Variants in C3orf62 observed in about 807,000 individuals in gnomAD.
C3orf62 encodes uncharacterized protein C3orf62.
In C3orf62, 16 loss-of-function variants were observed where a neutral mutation model predicts 21.7. That is an observed-to-expected ratio of 0.74 (90% CI 0.50 to 1.12). C3orf62 has a LOEUF of 1.12. C3orf62 is among the 50% of genes most tolerant of loss of function. C3orf62 has a pLI of 0.00. For missense variants in C3orf62, 310 were observed against 318.8 expected (o/e 0.97, Z 0.21); for synonymous variants, 114 against 117.0 (o/e 0.97, Z 0.17).
rs1462458953 is a variant in C3orf62 at position 49,276,577 on chromosome 3, G to A, written c.296C>T (p.Pro99Leu). Residue 99 changes from proline to leucine, a missense_variant, in exon 1 of 3, where the codon CCG becomes CTG. Physicochemically the swap from Pro to Leu is moderately conservative, Grantham distance 98. Transcript: ENST00000343010. ...CAGAGCATGTGGTTTTGCATTTACC[G>A]GGGCATGGTTTGTTGCAAAGGCAGG... ...ENPAFATNHA[P>L]VNAKPHALCP... The A allele has an allele frequency of 2.3e-5, 37 of 1,614,080 alleles. No homozygotes were observed. The highest frequency in any genetic ancestry group is 3.1e-5 in the Non-Finnish European group (37 of 1,180,052).
In C3orf62 at chr3:49,276,783, C is replaced by A; in HGVS notation, c.90G>T (p.Arg30=). ...GGGAATAACTAACTCCTTCAAAGGC[C>A]CGGTCAATGGCTGCAGTCAGTTCCT... ...CRKELTAAID[R]AFEGVSYSQE... The change falls in exon 1 of 3, where the codon CGG becomes CGT. Residue 30 remains arginine (R), a synonymous_variant. Transcript: ENST00000343010. The A allele has an allele frequency of 6.2e-7, 1 of 1,614,242 alleles. No individual in the cohort carries two copies. Among genetic ancestry groups the A allele is most frequent in the East Asian group, 2.2e-5 (1 of 44,886 alleles).
At chr3:49,276,341 T>A in intron 1 of C3orf62, 86 bp downstream of exon 1, 1 of 1,363,244 alleles carries the variant, frequency 7.3e-7, no homozygotes, top group South Asian at 1.4e-5. Flanking sequence ...AGCACTGTCA[T>A]GAACTAAATC....
In C3orf62 at chr3:49,276,660, T is replaced by C. The variant is rs758774110; in HGVS notation, c.213A>G (p.Ala71=). ...HRLLCRRHPL[A]ACSSAAPFAA... Reference sequence around the variant, plus strand: ...CAAAAGGAGCAGCAGAAGAGCAGGCTGCCAGAGGATGTCTTCTGCAGAGGA... The same window carrying C: ...CAAAAGGAGCAGCAGAAGAGCAGGCCGCCAGAGGATGTCTTCTGCAGAGGA... The change falls in exon 1 of 3, where the codon GCA becomes GCG. Residue 71 remains alanine, a synonymous_variant. Transcript: ENST00000343010. 6 of 1,614,100 alleles carry C rather than the reference T, an allele frequency of 3.7e-6. No individual in the cohort carries two copies. The African/African-American group carries it at 4.0e-5, about 11-fold the overall frequency.
At position 49,275,519 on chromosome 3, in the gene C3orf62, G is replaced by GTTTTTTTTTTTTT. The variant is rs59375945; in HGVS notation, c.446+895_446+907dup. On this transcript the variant is annotated intron_variant, in intron 1 of 2. Coordinates refer to ENST00000343010, the MANE Select transcript of C3orf62 (RefSeq NM_198562.3). The stretch of plus-strand genomic sequence containing the variant: ...GCAGCCAAGATGGCAGAACTTTGAA[G>GTTTTTTTTTTTTT]TTTTTTTTTTTTTTTTTTTTTTTTT... Among the ~76,000 whole-genome samples, 28 of 69,298 alleles carry GTTTTTTTTTTTTT rather than the reference G, an allele frequency of 4.0e-4. 4 individuals carry two copies. The highest frequency in any genetic ancestry group is 1.1e-3 in the East Asian group (2 of 1,770). The allele number at this position is 69,298 out of a possible 152,430, so 45.5% of individuals were successfully genotyped here. A position where few individuals can be genotyped will look rare whatever the true frequency, so the allele number is the denominator to read the frequency against.
At position 49,277,117 on chromosome 3, in the gene C3orf62, G is replaced by T. The variant is rs972224875; in HGVS notation, c.-245C>A. The T allele has an allele frequency of 5.4e-6, 8 of 1,475,310 alleles. No homozygotes were observed. The highest frequency in any genetic ancestry group is 2.1e-5 in the Admixed American group (1 of 48,526). The allele number at this position is 1,475,310 out of a possible 1,614,324, so 91.4% of individuals were successfully genotyped here. A position where few individuals can be genotyped will look rare whatever the true frequency, so the allele number is the denominator to read the frequency against. ...CCGCCGCTGCCTCCCGCCCCACCGC[G>T]GCTCCCAGGCCGCTGGCCCTACCGG... On this transcript the variant is annotated 5_prime_UTR_variant, in exon 1 of 3. Coordinates refer to ENST00000343010, the MANE Select transcript of C3orf62 (RefSeq NM_198562.3).
At chr3:49,273,819 C>T (rs1227436244) in intron 2 of C3orf62, among the ~76,000 whole-genome samples, 1 of 152,074 alleles carries the variant, frequency 6.6e-6, no homozygotes, top group Non-Finnish European at 1.5e-5. Flanking sequence ...CCACGCCTGG[C>T]TAATTTTTGT....
rs1266637172 is a variant in C3orf62 at position 49,271,357 on chromosome 3, A to G, written c.627T>C (p.Asp209=). 6 of 1,614,076 alleles carry G rather than the reference A, an allele frequency of 3.7e-6. No homozygotes were observed. The highest frequency in any genetic ancestry group is 3.3e-4 in the Middle Eastern group (2 of 6,084). ...ELNHMCGHCQ[D]SPFKEEAWAL... ...CCCAGGCTTCCTCTTTGAAGGGTGAATCTTGGCAATGACCACACATGTGGT... is the reference window on the plus strand; with the variant it reads ...CCCAGGCTTCCTCTTTGAAGGGTGAGTCTTGGCAATGACCACACATGTGGT... Residue 209 remains aspartate (D), a synonymous_variant, in exon 3 of 3, where the codon GAT becomes GAC. Transcript: ENST00000343010.
At chr3:49,273,757 G>T (rs1247575586) in intron 2 of C3orf62, among the ~76,000 whole-genome samples, 1 of 152,050 alleles carries the variant, frequency 6.6e-6, no homozygotes, top group African/African-American at 2.4e-5. Flanking sequence ...CCGGGTTCAA[G>T]CAATTCTCCT....
Position 49,276,992 on chromosome 3 carries a change from C to G in C3orf62, c.-120G>C. ...CAGGACCCACAACCCTCGGGCTTTC[C>G]TCCTGGAGTAGGCGGTTCTCGGCTC... On this transcript the variant is annotated 5_prime_UTR_variant, in exon 1 of 3. Transcript: ENST00000343010. 6.8e-7 allele frequency: 1 copy of G among 1,474,896 alleles called. No homozygotes were observed. Among genetic ancestry groups the G allele is most frequent in the Non-Finnish European group, 9.0e-7 (1 of 1,116,432 alleles). The allele number at this position is 1,474,896 out of a possible 1,614,324, so 91.4% of individuals were successfully genotyped here. A position where few individuals can be genotyped will look rare whatever the true frequency, so the allele number is the denominator to read the frequency against.
At position 49,273,632 on chromosome 3, in the gene C3orf62, A is replaced by G. The variant is rs181351114; in HGVS notation, c.538+417T>C. ...TTTTAAGAGACAGATCTCGCTATGT[A>G]TGGTACCCAAGCTAGAAGAGAGTGT... On this transcript the variant is annotated intron_variant, in intron 2 of 2. Transcript: ENST00000343010. 3.6e-3 allele frequency among the ~76,000 whole-genome samples: 544 copies of G among 151,916 alleles called. 3 individuals carry two copies. Among genetic ancestry groups the G allele is most frequent in the African/African-American group, 0.01 (434 of 41,436 alleles).
At position 49,271,449 on chromosome 3, in the gene C3orf62, A is replaced by C. The variant is rs1359115392; in HGVS notation, c.539-4T>G. 6.2e-7 allele frequency: 1 copy of C among 1,606,484 alleles called. No homozygotes were observed. Among genetic ancestry groups the C allele is most frequent in the Non-Finnish European group, 8.5e-7 (1 of 1,175,194 alleles). On this transcript the variant is annotated splice_polypyrimidine_tract_variant and splice_region_variant and intron_variant, in intron 2 of 2. Transcript: ENST00000343010. ...ATAGTTCGGATGCTTGTATGGTCTTAAAAATAAGAACATTCAGCTTTACAA... is the reference window on the plus strand; with the variant it reads ...ATAGTTCGGATGCTTGTATGGTCTTCAAAATAAGAACATTCAGCTTTACAA...
intron 1 of C3orf62, among the ~76,000 whole-genome samples, chr3:49,275,676 G>A (rs1239722338): frequency 1.0e-4 from 15 of 150,024 alleles, no homozygotes; most frequent in South Asian, 8.6e-4. Flanking sequence ...GACTACAGGC[G>A]CCCGCCACCA....
rs1447160366 is a variant in C3orf62, at chr3:49,270,054, G to C, written c.*1126C>G. ...CCAAAGGTAGTGAGTTATCTCAATCGACTACTCACAGTTTCAGATCTAACT... is the reference window on the plus strand; with the variant it reads ...CCAAAGGTAGTGAGTTATCTCAATCCACTACTCACAGTTTCAGATCTAACT... On this transcript the variant is annotated 3_prime_UTR_variant, in exon 3 of 3. Coordinates refer to ENST00000343010, the MANE Select transcript of C3orf62 (RefSeq NM_198562.3). 1 of 152,150 alleles carries C rather than the reference G, an allele frequency of 6.6e-6. No individual in the cohort carries two copies. The highest frequency in any genetic ancestry group is 1.9e-4 in the East Asian group (1 of 5,190). The allele number at this position is 152,150 out of a possible 1,614,324, so 9.4% of individuals were successfully genotyped here. A position where few individuals can be genotyped will look rare whatever the true frequency, so the allele number is the denominator to read the frequency against.
At position 49,274,050 on chromosome 3, in the gene C3orf62, A is replaced by G. The variant is rs2046932952; in HGVS notation, c.537T>C (p.Ile179=). Residue 179 remains isoleucine, a splice_region_variant and synonymous_variant, in exon 2 of 3, where the codon ATT becomes ATC. Transcript: ENST00000343010. ...GATGGACTTGCCCACTGTACTCACC[A>G]ATCATATCAAGCAGATCCTTTGTGA... ...QEVTKDLLDM[I]DHTSIRTIEE... The G allele has an allele frequency of 6.2e-7, 1 of 1,611,766 alleles. No individual in the cohort carries two copies. The highest frequency in any genetic ancestry group is 1.3e-5 in the African/African-American group (1 of 74,882).
Position 49,277,187 on chromosome 3 carries a change from C to G in C3orf62, c.-315G>C. The G allele has an allele frequency of 7.3e-7, 1 of 1,369,262 alleles. No homozygotes were observed. The allele number at this position is 1,369,262 out of a possible 1,614,324, so 84.8% of individuals were successfully genotyped here. A position where few individuals can be genotyped will look rare whatever the true frequency, so the allele number is the denominator to read the frequency against. On this transcript the variant is annotated 5_prime_UTR_variant, in exon 1 of 3. Transcript: ENST00000343010. ...CGGCAGCCACGTCCTTGTCCTCACC[C>G]GCAGCGCAGTGACGCCGACCCATCC...
rs745729520 is a variant in C3orf62 at position 49,276,920 on chromosome 3, C to G, written c.-48G>C. 1 of 1,565,434 alleles carries G rather than the reference C, an allele frequency of 6.4e-7. No homozygotes were observed. The highest frequency in any genetic ancestry group is 8.6e-7 in the Non-Finnish European group (1 of 1,156,316). ...ATAATGTTACAAATGAGGCTGCAAA[C>G]TACCCCTGAATGGCCACGATTTCCT... On this transcript the variant is annotated 5_prime_UTR_variant, in exon 1 of 3. The change abolishes the stop of an existing upstream ORF in the 5' untranslated region. Transcript: ENST00000343010.
At chr3:49,271,992 G>A (rs1302911058) in intron 2 of C3orf62, among the ~76,000 whole-genome samples, 3 of 151,704 alleles carry the variant, frequency 2.0e-5, no homozygotes, top group Admixed American at 1.3e-4. Context: ...GGTAGAGGCA[G>A]TAATGACTTC....
rs982367079 is a variant in C3orf62 at position 49,270,810 on chromosome 3, A to G, written c.*370T>C. The G allele has an allele frequency of 2.2e-5, 4 of 179,660 alleles. No individual in the cohort carries two copies. The highest frequency in any genetic ancestry group is 7.2e-5 in the African/African-American group (3 of 41,942). The allele number at this position is 179,660 out of a possible 1,614,324, so 11.1% of individuals were successfully genotyped here. On this transcript the variant is annotated 3_prime_UTR_variant, in exon 3 of 3. Transcript: ENST00000343010. ...AGTGCTGGGATTACAGACGTGAGCC[A>G]CTGTGCCTGGCCACTCCTGTACTTT...
chr3:49,272,127 C>T (rs2046915841), intron 2 of C3orf62, among the ~76,000 whole-genome samples: 1 of 152,048 alleles, frequency 6.6e-6, no homozygotes, highest in Admixed American at 6.6e-5. Flanking sequence ...TCCCTCATAA[C>T]CTGGAGATCC....
Sources: gnomAD v4.1 joint callset for allele counts (sites outside exome capture counted in the v4.1 genomes callset) on GRCh38, gnomAD v4.1.1 for gene constraint, MANE v1.5 for transcripts, NCBI Gene and HGNC (gene_info 2026-07-23, HGNC 2026-07-21) for gene names.